Variants in LMAN1L observed in about 807,000 individuals in gnomAD.
The protein encoded by LMAN1L is protein ERGIC-53-like.
A neutral mutation model predicts 58.3 loss-of-function variants in LMAN1L; 60 were observed. The ratio of observed to expected loss-of-function variants is 1.03; its 90% CI spans 0.84 to 1.27. The LOEUF is 1.27. Among genes scored for constraint, LMAN1L ranks in the 50% most tolerant of loss-of-function variants. LMAN1L has a pLI of 0.00. For synonymous variants in LMAN1L, 280 were observed against 271.6 expected (o/e 1.03, Z -0.31); for missense variants, 629 against 674.0 (o/e 0.93, Z 0.74).
rs375708594 is a variant in LMAN1L at position 74,814,371 on chromosome 15, TG to T, written c.175+1343del. On this transcript the variant is annotated intron_variant, in intron 1 of 13. Transcript: ENST00000309664. Reference sequence around the variant, plus strand: ...ACCACACGCAGCTAATTTTTGTTTTTGTTTTTGTTTTTTTTTTTTTGAGACG... The same window carrying T: ...ACCACACGCAGCTAATTTTTGTTTTTTTTTTGTTTTTTTTTTTTTGAGACG... Among the ~76,000 whole-genome samples the T allele has an allele frequency of 9.3e-4, 80 of 86,480 alleles. 3 individuals are homozygous for T. Among genetic ancestry groups the T allele is most frequent in the Middle Eastern group, 6.3e-3 (1 of 160 alleles). 56.7% of individuals were successfully genotyped at this position (86,480 alleles called of 152,430 possible). A position where few individuals can be genotyped will look rare whatever the true frequency, so the allele number is the denominator to read the frequency against.
intron 7 of LMAN1L, 148 bp from the exon 8 acceptor site, chr15:74,820,487 C>T (rs530790822): frequency 4.0e-6 from 4 of 1,007,946 alleles, no homozygotes; most frequent in Admixed American, 1.8e-5. Context: ...TGGGGATCTG[C>T]GTGAAGGCAG....
intron 7 of LMAN1L, 83 bp from the exon 8 acceptor site, chr15:74,820,552 C>T (rs562532851): frequency 9.6e-6 from 15 of 1,568,442 alleles, no homozygotes; most frequent in East Asian, 2.2e-5. Context: ...AGGCTGGGCT[C>T]GTGGGGAAGC....
chr15:74,813,797 C>T (rs4886619), intron 1 of LMAN1L, among the ~76,000 whole-genome samples: 100,373 of 152,058 alleles, frequency 0.66, 33,504 homozygotes, highest in Middle Eastern at 0.72. Flanking sequence ...AAAGCAAAGA[C>T]AGAAAGCAGA....
In LMAN1L at chr15:74,823,562, T is replaced by G. The variant is rs2063927012; in HGVS notation, c.1203T>G (p.Asp401Glu). 5.6e-6 allele frequency: 9 copies of G among 1,613,804 alleles called. No individual in the cohort carries two copies. The highest frequency in any genetic ancestry group is 6.8e-6 in the Non-Finnish European group (8 of 1,179,858). Residue 401 changes from aspartate to glutamate, a missense_variant, in exon 12 of 14, where the codon GAT becomes GAG. Physicochemically the swap from Asp to Glu is conservative, Grantham distance 45. Around this residue, in one of 3 missense-constraint regions of LMAN1L, gnomAD observed 573 missense variants for 597.3 expected, o/e 0.96. Transcript: ENST00000309664. ...TLLQALQEMR[D>E]AAVRMAAEAQ... is the part of the protein sequence containing the mutation. ...CTTGGTTACCACCCCCGGTTAGGGATGCAGCTGTCCGCATGGCTGCAGAAG... is the reference window on the plus strand; with the variant it reads ...CTTGGTTACCACCCCCGGTTAGGGAGGCAGCTGTCCGCATGGCTGCAGAAG...
chr15:74,825,351 G>A, intron 13 of LMAN1L, 125 bp from the exon 14 acceptor site: 2 of 1,066,570 alleles, frequency 1.9e-6, no homozygotes, highest in Non-Finnish European at 2.7e-6. Flanking sequence ...AGGAGCCACA[G>A]AAAGTCCAAG....
chr15:74,820,860 C>G, intron 8 of LMAN1L, 93 bp downstream of exon 8: 2 of 1,500,988 alleles, frequency 1.3e-6, no homozygotes, highest in Non-Finnish European at 1.8e-6. Context: ...AGTAGGGAAA[C>G]TGAGGCCTGA....
chr15:74,821,195 C>A lies in LMAN1L; in HGVS notation c.1028C>A (p.Pro343His). The change falls in exon 9 of 14, where the codon CCC (proline) becomes CAC (histidine). Residue 343 changes from proline (P) to histidine (H), a missense_variant. Pro to His is a moderately conservative substitution (Grantham distance 77). Transcript: ENST00000309664. The stretch of plus-strand genomic sequence containing the variant: ...AGACAATGGAAGAAGCAGCTGGGGC[C>A]CCCAGGCCAAGCCAGGCCTGACGGA... Reference protein sequence around the residue: ...AERQWKKQLGPPGQARPDGGW... With the variant: ...AERQWKKQLGHPGQARPDGGW... The A allele has an allele frequency of 6.5e-7, 1 of 1,550,254 alleles. No individual in the cohort carries two copies. The highest frequency in any genetic ancestry group is 1.2e-5 in the South Asian group (1 of 84,014).
chr15:74,818,583 A>T, intron 4 of LMAN1L, 135 bp from the exon 5 acceptor site: 1 of 682,204 alleles, frequency 1.5e-6, no homozygotes, highest in Non-Finnish European at 2.6e-6. Context: ...AGTCTCAGCT[A>T]CTTGGGAGGC....
At chr15:74,814,245 G>A (rs1211737458) in intron 1 of LMAN1L, among the ~76,000 whole-genome samples, 1 of 151,436 alleles carries the variant, frequency 6.6e-6, no homozygotes, top group Non-Finnish European at 1.5e-5. Flanking sequence ...CCAGGCTGGA[G>A]TGCAGTGGTG....
intron 4 of LMAN1L, among the ~76,000 whole-genome samples, chr15:74,818,297 C>T (rs1271706100): frequency 1.3e-5 from 2 of 152,196 alleles, no homozygotes; most frequent in Admixed American, 6.5e-5. Context: ...CATGCCAGCT[C>T]GCCCAGCGGA....
intron 12 of LMAN1L, chr15:74,824,022 C>T: frequency 1.2e-5 from 6 of 497,072 alleles, no homozygotes; most frequent in Non-Finnish European, 1.8e-5. Context: ...TCAGCGCTTC[C>T]CCATGCCCTG....
At position 74,812,890 on chromosome 15, in the gene LMAN1L, C is replaced by T. The variant is rs1398732835; in HGVS notation, c.36C>T (p.Cys12=). Residue 12 remains cysteine (C), a synonymous_variant, in exon 1 of 14, where the codon TGC becomes TGT. Transcript: ENST00000309664. ...PAVSGPGPLF[C]LLLLLLDPHS... is the part of the protein sequence containing the mutation. Reference sequence around the variant, plus strand: ...TCAGTGGTCCAGGTCCCTTATTCTGCCTTCTCCTCCTGCTCCTGGACCCCC... The same window carrying T: ...TCAGTGGTCCAGGTCCCTTATTCTGTCTTCTCCTCCTGCTCCTGGACCCCC... 2 of 1,612,540 alleles carry T rather than the reference C, an allele frequency of 1.2e-6. No homozygotes were observed. The highest frequency in any genetic ancestry group is 1.7e-5 in the Admixed American group (1 of 59,782).
intron 1 of LMAN1L, 101 bp downstream of exon 1, chr15:74,813,130 C>T: frequency 3.0e-6 from 4 of 1,329,718 alleles, no homozygotes; most frequent in Non-Finnish European, 4.2e-6. Flanking sequence ...CATCCTCTGT[C>T]CAGGGTGGGG....
chr15:74,813,353 T>C (rs774345334), intron 1 of LMAN1L: 182 of 495,392 alleles, frequency 3.7e-4, no homozygotes, highest in Non-Finnish European at 6.0e-4. Flanking sequence ...GCTCACACAC[T>C]AAGTCCCAGG....
At chr15:74,819,751 C>G in intron 6 of LMAN1L, 1 of 537,808 alleles carries the variant, frequency 1.9e-6, no homozygotes, top group South Asian at 2.1e-5. Flanking sequence ...CTCTGGGGGC[C>G]TAAGAGTGTC....
In LMAN1L at chr15:74,816,463, T is replaced by A. The variant is rs2063891090; in HGVS notation, c.367T>A (p.Ser123Thr). 6.4e-7 allele frequency: 1 copy of A among 1,553,230 alleles called. No homozygotes were observed. Among genetic ancestry groups the A allele is most frequent in the Admixed American group, 1.8e-5 (1 of 54,604 alleles). The change falls in exon 3 of 14, where the codon TCT (serine) becomes ACT (threonine). Residue 123 changes from serine to threonine, a missense_variant. Transcript: ENST00000309664. ...CACCCGGGGCAGGGGCCATGTAGGC[T>A]CTGTCCTTGGGGGGCTGGCTTCGTG... ...WYTRGRGHVG[S>T]VLGGLASWDG...
At chr15:74,818,893 C>G (rs1326164687) in intron 5 of LMAN1L, 76 bp downstream of exon 5, 3 of 1,317,650 alleles carry the variant, frequency 2.3e-6, no homozygotes, top group Non-Finnish European at 3.2e-6. Context: ...GGCCCCAACA[C>G]ACCAGTGCCT....
intron 13 of LMAN1L, 152 bp from the exon 14 acceptor site, chr15:74,825,324 C>T (rs1289589922): frequency 9.1e-6 from 7 of 770,530 alleles, no homozygotes; most frequent in Admixed American, 4.5e-5. Context: ...AAGCGTGGAC[C>T]ATATGCAGCG....
intron 1 of LMAN1L, 82 bp from the exon 2 acceptor site, chr15:74,816,075 A>T: frequency 6.8e-7 from 1 of 1,462,946 alleles, no homozygotes; most frequent in Non-Finnish European, 9.1e-7. Context: ...CTCTTCCGGG[A>T]GCCCAGCCCG....
Sources: allele counts gnomAD v4.1 joint callset (sites outside exome capture counted in the v4.1 genomes callset), GRCh38; gene constraint gnomAD v4.1.1; regional missense constraint gnomAD v4.1.1; transcripts MANE v1.5; gene names NCBI Gene and HGNC (gene_info 2026-07-23, HGNC 2026-07-21).